TCEANC2: variants seen among roughly 807,000 people sequenced by gnomAD.
TCEANC2 encodes the protein transcription elongation factor A N-terminal and central domain containing 2, also known as transcription elongation factor A N-terminal and central domain-containing protein 2.
A neutral mutation model predicts 22.8 loss-of-function variants in TCEANC2; 20 were observed. That is an observed-to-expected ratio of 0.88 (90% CI 0.62 to 1.28). The LOEUF (loss-of-function observed/expected upper bound fraction) is 1.28. Among genes scored for constraint, TCEANC2 ranks in the 50% most tolerant of loss-of-function variants. TCEANC2 has a pLI of 0.00. For missense variants in TCEANC2, 251 were observed against 249.7 expected, an observed-to-expected ratio of 1.01 and a Z score of -0.03; for synonymous variants, 84 against 95.5, an observed-to-expected ratio of 0.88 and a Z score of 0.70.
rs1368649758 is a variant in TCEANC2 at position 54,101,296 on chromosome 1, T to A, written c.*4823T>A. 1 of 152,236 alleles carries A rather than the reference T, an allele frequency of 6.6e-6. No homozygotes were observed. Among genetic ancestry groups the A allele is most frequent in the African/African-American group, 2.4e-5 (1 of 41,468 alleles). The allele number at this position is 152,236 out of a possible 1,614,324, so 9.4% of individuals were successfully genotyped here. On this transcript the variant is annotated 3_prime_UTR_variant, in exon 5 of 5. Coordinates refer to ENST00000234827, the MANE Select transcript of TCEANC2 (RefSeq NM_153035.3). ...GGAGTCCATCCAGAAAACAAAGCTT[T>A]GGGAGTTTCAGTTAGTTGGGTGACA...
intron 3 of TCEANC2, among the ~76,000 whole-genome samples, chr1:54,071,749 C>T (rs1658058818): frequency 6.6e-6 from 1 of 152,114 alleles, no homozygotes; most frequent in African/African-American, 2.4e-5. Flanking sequence ...ATCTTAGATA[C>T]ATTATACTTC....
chr1:54,055,322 A>G (rs573716859), intron 2 of TCEANC2, among the ~76,000 whole-genome samples: 1 of 152,356 alleles, frequency 6.6e-6, no homozygotes, highest in Admixed American at 6.5e-5. Context: ...GATGTCTGCA[A>G]GCAAGATGCA....
At chr1:54,087,265 A>G (rs569418536) in intron 3 of TCEANC2, among the ~76,000 whole-genome samples, 8 of 152,216 alleles carry the variant, frequency 5.3e-5, no homozygotes, top group Middle Eastern at 3.4e-3. Context: ...AGTACTTTGC[A>G]TATTGATATT....
In TCEANC2 at chr1:54,054,463, G is replaced by T; in HGVS notation, c.41G>T (p.Ser14Ile). 6.2e-7 allele frequency: 1 copy of T among 1,614,066 alleles called. No homozygotes were observed. Among genetic ancestry groups the T allele is most frequent in the Non-Finnish European group, 8.5e-7 (1 of 1,180,014 alleles). The change falls in exon 2 of 5, where the codon AGC (serine) becomes ATC (isoleucine). Residue 14 changes from serine (S) to isoleucine (I), a missense_variant. Transcript: ENST00000234827. ...ATTCGAACGCCTAGAATCCAGAATA[G>T]CCCTCAGAAGAAAGATTCTGGAGGA... ...FVIRTPRIQN[S>I]PQKKDSGGKV...
At chr1:54,089,870 C>A in intron 4 of TCEANC2, 1 of 611,206 alleles carries the variant, frequency 1.6e-6, no homozygotes, top group Non-Finnish European at 3.0e-6. Context: ...TCCTCTTGGT[C>A]AAAAACGCAC....
intron 4 of TCEANC2, among the ~76,000 whole-genome samples, chr1:54,092,496 T>G (rs2100384990): frequency 6.6e-6 from 1 of 152,310 alleles, no homozygotes; most frequent in Middle Eastern, 3.4e-3. Flanking sequence ...ATATATGATG[T>G]TATTAGAAGG....
At chr1:54,071,822 T>A (rs1204916998) in intron 3 of TCEANC2, among the ~76,000 whole-genome samples, 6 of 152,152 alleles carry the variant, frequency 3.9e-5, no homozygotes, top group Non-Finnish European at 7.4e-5. Context: ...ATTTTTATTT[T>A]TTTTTTTGAG....
intron 4 of TCEANC2, among the ~76,000 whole-genome samples, chr1:54,094,921 T>C (rs979567985): frequency 3.9e-5 from 6 of 152,186 alleles, no homozygotes; most frequent in Non-Finnish European, 8.8e-5. Context: ...GGAGGATTGC[T>C]TGAGGCCAGG....
chr1:54,068,379 G>A (rs1657995400), intron 2 of TCEANC2, among the ~76,000 whole-genome samples: 1 of 152,228 alleles, frequency 6.6e-6, no homozygotes, highest in African/African-American at 2.4e-5. Context: ...ACATAAACAT[G>A]TCTATGACTT....
chr1:54,080,558 A>C (rs1374498465), intron 3 of TCEANC2, among the ~76,000 whole-genome samples: 1 of 152,150 alleles, frequency 6.6e-6, no homozygotes, highest in Non-Finnish European at 1.5e-5. Flanking sequence ...TTCCCCCTTC[A>C]ATACTATCTT....
chr1:54,054,544 T>C lies in TCEANC2; in HGVS notation c.102+20T>C. The C allele has an allele frequency of 1.2e-6, 2 of 1,605,172 alleles. No homozygotes were observed. Among genetic ancestry groups the C allele is most frequent in the Non-Finnish European group, 8.5e-7 (1 of 1,175,882 alleles). On this transcript the variant is annotated intron_variant, in intron 2 of 4. Coordinates refer to ENST00000234827, the MANE Select transcript of TCEANC2 (RefSeq NM_153035.3). ...CTGAAGGTGAGAGGGGATCTGGGGC[T>C]AGAGGAAATGTGCAAAGGACTGATA...
At chr1:54,079,304 T>A (rs899289511) in intron 3 of TCEANC2, among the ~76,000 whole-genome samples, 2 of 152,202 alleles carry the variant, frequency 1.3e-5, no homozygotes, top group African/African-American at 4.8e-5. Context: ...TTTTTTTCCA[T>A]TTTACAAATG....
Position 54,105,231 on chromosome 1 carries a change from T to G in TCEANC2, c.*8758T>G, listed in dbSNP as rs1470322409. On this transcript the variant is annotated 3_prime_UTR_variant, in exon 5 of 5. Transcript: ENST00000234827. ...CAGCCACCATGCTTCCTGGGCCTCT[T>G]CCCACAGCTACTGGGAGTGCTCTCA... The G allele has an allele frequency of 3.9e-5, 6 of 152,526 alleles. No individual in the cohort carries two copies. The highest frequency in any genetic ancestry group is 4.4e-5 in the Non-Finnish European group (3 of 68,342). 9.4% of individuals were successfully genotyped at this position (152,526 alleles called of 1,614,324 possible). A position where few individuals can be genotyped will look rare whatever the true frequency, so the allele number is the denominator to read the frequency against.
At chr1:54,076,237 C>T (rs1049785686) in intron 3 of TCEANC2, among the ~76,000 whole-genome samples, 2 of 152,164 alleles carry the variant, frequency 1.3e-5, no homozygotes, top group African/African-American at 4.8e-5. Context: ...GTTTTCTGCT[C>T]ATTACCCTTC....
chr1:54,108,971 C>CAA (rs113895114), downstream of TCEANC2, among the ~76,000 whole-genome samples: 740 of 148,326 alleles, frequency 5.0e-3, 5 homozygotes, highest in Non-Finnish European at 7.1e-3. Flanking sequence ...GACTCCGTCC[C>CAA]AAAAAAAAAA....
intron 2 of TCEANC2, 23 bp from the exon 3 acceptor site, chr1:54,068,733 C>T: frequency 6.3e-7 from 1 of 1,579,564 alleles, no homozygotes; most frequent in Middle Eastern, 1.7e-4. Flanking sequence ...TTCCATTTTC[C>T]AAATGACTTT....
chr1:54,074,955 T>C (rs1658121388), intron 3 of TCEANC2, among the ~76,000 whole-genome samples: 1 of 152,240 alleles, frequency 6.6e-6, no homozygotes, highest in African/African-American at 2.4e-5. Context: ...ACATGTTGAA[T>C]GCTAATGGCA....
At position 54,098,829 on chromosome 1, in the gene TCEANC2, A is replaced by G. The variant is rs1466261746; in HGVS notation, c.*2356A>G. On this transcript the variant is annotated 3_prime_UTR_variant, in exon 5 of 5. Transcript: ENST00000234827. The stretch of plus-strand genomic sequence containing the variant: ...AGGGGAATGTTAGTTAATAGAATGA[A>G]AATTTCAAAATTAAAGGGCAGGAGT... 3 of 152,196 alleles carry G rather than the reference A, an allele frequency of 2.0e-5. No individual in the cohort carries two copies. The highest frequency in any genetic ancestry group is 2.9e-5 in the Non-Finnish European group (2 of 68,054). The allele number at this position is 152,196 out of a possible 1,614,324, so 9.4% of individuals were successfully genotyped here. A position where few individuals can be genotyped will look rare whatever the true frequency, so the allele number is the denominator to read the frequency against.
At position 54,084,020 on chromosome 1, in the gene TCEANC2, G is replaced by GT. The variant is rs34774545; in HGVS notation, c.245-4565dup. 2.6e-3 allele frequency among the ~76,000 whole-genome samples: 374 copies of GT among 146,560 alleles called. 1 individual carries two copies. Among genetic ancestry groups the GT allele is most frequent in the South Asian group, 4.5e-3 (21 of 4,626 alleles). On this transcript the variant is annotated intron_variant, in intron 3 of 4. Coordinates refer to ENST00000234827, the MANE Select transcript of TCEANC2 (RefSeq NM_153035.3). Reference sequence around the variant, plus strand: ...CTATTTTAGTTTAGTGTTTTGTCGGGTTTTTTTTTTTTGAGACCGTCTTGA... The same window carrying GT: ...CTATTTTAGTTTAGTGTTTTGTCGGGTTTTTTTTTTTTTGAGACCGTCTTGA...
Sources: gnomAD v4.1 joint callset for allele counts (sites outside exome capture counted in the v4.1 genomes callset) on GRCh38, gnomAD v4.1.1 for gene constraint, MANE v1.5 for transcripts, NCBI Gene and HGNC (gene_info 2026-07-23, HGNC 2026-07-21) for gene names.